Variants in FBRSL1 observed in about 807,000 individuals in gnomAD.
The protein encoded by FBRSL1 is fibrosin like 1.
Under a neutral mutation model 89.6 loss-of-function variants are expected in FBRSL1, and 51 were observed. The ratio of observed to expected loss-of-function variants is 0.57; its 90% CI spans 0.45 to 0.72. The LOEUF is 0.72. FBRSL1 is among the 30% of genes least tolerant of loss of function. The pLI is 0.00. For synonymous variants in FBRSL1, 779 were observed against 681.1 expected (o/e 1.14, Z -2.24); for missense variants, 1,618 against 1,451.8 (o/e 1.11, Z -1.86).
intron 5 of FBRSL1, among the ~76,000 whole-genome samples, chr12:132,555,975 A>G (rs1322670623): frequency 6.6e-6 from 1 of 152,134 alleles, no homozygotes; most frequent in Non-Finnish European, 1.5e-5. Context: ...CGGGCACAGC[A>G]TCCCTGGGCT....
chr12:132,543,886 T>C (rs1223053117), intron 4 of FBRSL1, among the ~76,000 whole-genome samples: 2 of 152,146 alleles, frequency 1.3e-5, no homozygotes, highest in African/African-American at 4.8e-5. Context: ...CAGATAGAGC[T>C]TCCCAGGGCC....
chr12:132,583,052 C>T lies in FBRSL1; in HGVS notation c.2283C>T (p.Leu761=). ...PAGHPVSGLL[L]RAQSELGRSG... is the part of the protein sequence containing the mutation. ...GCCACCCCGTCAGCGGCCTCCTGCTCCGGGCCCAGAGCGAGCTGGGCCGGT... is the reference window on the plus strand; with the variant it reads ...GCCACCCCGTCAGCGGCCTCCTGCTTCGGGCCCAGAGCGAGCTGGGCCGGT... The change falls in exon 19 of 19, where the codon CTC becomes CTT. Residue 761 remains leucine (L), a synonymous_variant. Transcript: ENST00000680143. 6.9e-7 allele frequency: 1 copy of T among 1,450,334 alleles called. No homozygotes were observed. The highest frequency in any genetic ancestry group is 9.0e-7 in the Non-Finnish European group (1 of 1,109,050). 89.8% of individuals were successfully genotyped at this position (1,450,334 alleles called of 1,614,324 possible). A position where few individuals can be genotyped will look rare whatever the true frequency, so the allele number is the denominator to read the frequency against.
chr12:132,566,941 A>G (rs2039668771), intron 5 of FBRSL1, among the ~76,000 whole-genome samples: 1 of 152,224 alleles, frequency 6.6e-6, no homozygotes, highest in South Asian at 2.1e-4. Context: ...GCCCGGGAGC[A>G]TAGCGAGGTG....
rs1223977751 is a variant in FBRSL1 at position 132,570,017 on chromosome 12, C to G, written c.783C>G (p.Phe261Leu). 1 of 1,513,264 alleles carries G rather than the reference C, an allele frequency of 6.6e-7. No homozygotes were observed. Among genetic ancestry groups the G allele is most frequent in the Non-Finnish European group, 8.8e-7 (1 of 1,137,500 alleles). 93.7% of individuals were successfully genotyped at this position (1,513,264 alleles called of 1,614,324 possible). A position where few individuals can be genotyped will look rare whatever the true frequency, so the allele number is the denominator to read the frequency against. The change falls in exon 7 of 19, where the codon TTC becomes TTG. Residue 261 changes from phenylalanine to leucine, a missense_variant. By Grantham distance (22) the Phe-to-Leu change is conservative. Transcript: ENST00000680143. ...ERSRELSAESFLPTASPAPHA... is the reference protein window; with the variant it reads ...ERSRELSAESLLPTASPAPHA... ...GCCGCGAGCTCAGCGCCGAGAGCTT[C>G]CTGCCCACTGCCAGCCCCGCGCCCC...
At chr12:132,529,902 C>T (rs929127613) in intron 4 of FBRSL1, among the ~76,000 whole-genome samples, 3 of 152,202 alleles carry the variant, frequency 2.0e-5, no homozygotes, top group African/African-American at 4.8e-5. Flanking sequence ...GGGCCCTCTT[C>T]CTAGGGTTTC....
chr12:132,490,405 CCGCGCCCGG>C lies in FBRSL1; in HGVS notation c.-164_-156del. 3 of 312,438 alleles carry C rather than the reference CCGCGCCCGG, an allele frequency of 9.6e-6. No individual in the cohort carries two copies. Among genetic ancestry groups the C allele is most frequent in the Non-Finnish European group, 1.4e-5 (3 of 221,772 alleles). The allele number at this position is 312,438 out of a possible 1,614,324, so 19.4% of individuals were successfully genotyped here. ...GCCGGGCCCGGGGCTGAGCCGCCCC[CCGCGCCCGG>C]CATGCCCGGCCCGGCCCGCCGCCCG... is the stretch of plus-strand genomic sequence containing the variant. On this transcript the variant is annotated 5_prime_UTR_variant, in exon 1 of 19. Coordinates refer to ENST00000680143, the MANE Select transcript of FBRSL1 (RefSeq NM_001367871.1).
At position 132,522,976 on chromosome 12, in the gene FBRSL1, C is replaced by T. The variant is rs1038032756; in HGVS notation, c.490-2758C>T. Among the ~76,000 whole-genome samples the T allele has an allele frequency of 2.6e-5, 4 of 152,328 alleles. No homozygotes were observed. The East Asian group carries it at 7.7e-4, about 29-fold the overall frequency. On this transcript the variant is annotated intron_variant, in intron 2 of 18. Transcript: ENST00000680143. The stretch of plus-strand genomic sequence containing the variant: ...GCTCTGCTCACTGCCCAGAACGGTA[C>T]CTGGCTCGTCAGGGCTCCATAAGCA...
chr12:132,497,271 A>G (rs2032195941), intron 1 of FBRSL1, among the ~76,000 whole-genome samples: 1 of 152,166 alleles, frequency 6.6e-6, no homozygotes, highest in East Asian at 1.9e-4. Flanking sequence ...GGGTGGGGAC[A>G]CGGGTAATGA....
intron 4 of FBRSL1, among the ~76,000 whole-genome samples, chr12:132,528,521 G>C (rs2035987819): frequency 6.6e-6 from 1 of 152,076 alleles, no homozygotes; most frequent in African/African-American, 2.4e-5. Flanking sequence ...GGCGGGCAGG[G>C]GGAAGGAGAC....
At chr12:132,547,142 C>T (rs2037757559) in intron 4 of FBRSL1, among the ~76,000 whole-genome samples, 1 of 152,166 alleles carries the variant, frequency 6.6e-6, no homozygotes, top group Non-Finnish European at 1.5e-5. Flanking sequence ...GCTCTGCTTA[C>T]TGAAAACGGA....
Position 132,547,951 on chromosome 12 carries a change from G to T in FBRSL1, c.616-52G>T, listed in dbSNP as rs1465194939. On this transcript the variant is annotated intron_variant, in intron 4 of 18. Coordinates refer to ENST00000680143, the MANE Select transcript of FBRSL1 (RefSeq NM_001367871.1). ...CCTGGCTGCTGCCGTGCCCCGGGGG[G>T]TGACACTGGTTGGTGGGGCCCCGAC... is the stretch of plus-strand genomic sequence containing the variant. 17 of 1,547,062 alleles carry T rather than the reference G, an allele frequency of 1.1e-5. No individual in the cohort carries two copies. The Admixed American group carries it at 3.1e-4, about 29-fold the overall frequency.
chr12:132,527,720 T>TGGGCTGCGGGGCTGTGGGGCAGGGTTGA lies in FBRSL1; in HGVS notation c.580-221_580-220insTGTGGGGCAGGGTTGAGGGCTGCGGGGC, dbSNP rs1566146027. Among the ~76,000 whole-genome samples, 5 of 119,534 alleles carry TGGGCTGCGGGGCTGTGGGGCAGGGTTGA rather than the reference T, an allele frequency of 4.2e-5. 1 individual carries two copies. Among genetic ancestry groups the TGGGCTGCGGGGCTGTGGGGCAGGGTTGA allele is most frequent in the Non-Finnish European group, 9.1e-5 (5 of 54,842 alleles). 78.4% of individuals were successfully genotyped at this position (119,534 alleles called of 152,430 possible). A position where few individuals can be genotyped will look rare whatever the true frequency, so the allele number is the denominator to read the frequency against. On this transcript the variant is annotated intron_variant, in intron 3 of 18. Transcript: ENST00000680143. ...GCTGCGGGGCTGTGGGGCAGGGTTG[T>TGGGCTGCGGGGCTGTGGGGCAGGGTTGA]GGGCTGCGGGGCAGGGTTGAGGGCT...
intron 4 of FBRSL1, among the ~76,000 whole-genome samples, chr12:132,544,853 T>C (rs2037551785): frequency 6.6e-6 from 1 of 151,914 alleles, no homozygotes; most frequent in African/African-American, 2.4e-5. Context: ...GTGACGGTGA[T>C]GAGGGTGATG....
chr12:132,538,874 A>AG (rs2036978846), intron 4 of FBRSL1, among the ~76,000 whole-genome samples: 1 of 152,120 alleles, frequency 6.6e-6, no homozygotes, highest in Non-Finnish European at 1.5e-5. Flanking sequence ...CCAGGTTGCA[A>AG]GGGTGCCTCC....
At chr12:132,580,127 C>T (rs2040644365) in intron 15 of FBRSL1, among the ~76,000 whole-genome samples, 1 of 152,114 alleles carries the variant, frequency 6.6e-6, no homozygotes, top group Non-Finnish European at 1.5e-5. Context: ...CTTGCTGTGT[C>T]GCCAGGCTGG....
chr12:132,531,210 C>T (rs922872189), intron 4 of FBRSL1, among the ~76,000 whole-genome samples: 4 of 148,096 alleles, frequency 2.7e-5, no homozygotes, highest in Non-Finnish European at 5.9e-5. Context: ...CAGGACAGGA[C>T]CCAGGAGCAG....
Position 132,521,348 on chromosome 12 carries a change from A to G in FBRSL1, c.490-4386A>G, listed in dbSNP as rs571086134. Reference sequence around the variant, plus strand: ...CTGCATACCTGTGCTCCATTTCTGCAGGGGCGTCGCGTTCCCGTCTCCTGC... The same window carrying G: ...CTGCATACCTGTGCTCCATTTCTGCGGGGGCGTCGCGTTCCCGTCTCCTGC... On this transcript the variant is annotated intron_variant, in intron 2 of 18. Coordinates refer to ENST00000680143, the MANE Select transcript of FBRSL1 (RefSeq NM_001367871.1). Among the ~76,000 whole-genome samples the G allele has an allele frequency of 1.7e-4, 26 of 152,314 alleles. No homozygotes were observed. In the South Asian group the frequency reaches 5.2e-3, roughly 30 times the overall value.
intron 5 of FBRSL1, among the ~76,000 whole-genome samples, chr12:132,548,637 T>G (rs1304886997): frequency 6.6e-6 from 1 of 152,140 alleles, no homozygotes; most frequent in Non-Finnish European, 1.5e-5. Context: ...CCCAGAGCCC[T>G]GCGGGGAGGA....
chr12:132,527,539 G>T (rs139810704), intron 3 of FBRSL1, among the ~76,000 whole-genome samples: 1 of 152,336 alleles, frequency 6.6e-6, no homozygotes, highest in Non-Finnish European at 1.5e-5. Context: ...CTCGCTGGTG[G>T]TCTTGGGTCT....
Sources: gnomAD v4.1 joint callset for allele counts (sites outside exome capture counted in the v4.1 genomes callset) on GRCh38, gnomAD v4.1.1 for gene constraint, MANE v1.5 for transcripts, NCBI Gene and HGNC (gene_info 2026-07-23, HGNC 2026-07-21) for gene names.